NPAS3: variants seen among roughly 807,000 people sequenced by gnomAD.
NPAS3 encodes the protein neuronal PAS domain-containing protein 3.
Under a neutral mutation model 73.1 loss-of-function variants are expected in NPAS3, and 14 were observed. The ratio of observed to expected loss-of-function variants is 0.19; its 90% CI spans 0.13 to 0.30. NPAS3 has a LOEUF of 0.30. Ranked by LOEUF, NPAS3 falls within the 10% of genes least tolerant of loss-of-function variation. The pLI is 1.00. For missense variants in NPAS3, 1,096 were observed against 1,250.0 expected (o/e 0.88, Z 1.86); for synonymous variants, 620 against 541.5 (o/e 1.14, Z -2.01).
intron 1 of NPAS3, among the ~76,000 whole-genome samples, chr14:32,994,634 TTG>T (rs1237313528): frequency 2.4e-5 from 3 of 126,584 alleles, no homozygotes; most frequent in African/African-American, 1.1e-4. Context: ...TTGTTTGTTT[TTG>T]TTTTTTTTTT....
chr14:33,705,533 T>C (rs937975159), intron 6 of NPAS3, among the ~76,000 whole-genome samples: 1 of 152,248 alleles, frequency 6.6e-6, no homozygotes, highest in African/African-American at 2.4e-5. Flanking sequence ...AGACTTTCTT[T>C]TGTTGCAAAA....
intron 2 of NPAS3, among the ~76,000 whole-genome samples, chr14:33,181,950 TTTTCTCCTTG>T (rs1414787115): frequency 2.0e-5 from 3 of 152,320 alleles, no homozygotes; most frequent in Non-Finnish European, 4.4e-5. Flanking sequence ...TGCTTTTCAC[TTTTCTCCTTG>T]TTTCTCCGTG....
At chr14:33,791,993 T>G (rs996230794) in intron 9 of NPAS3, among the ~76,000 whole-genome samples, 1 of 152,176 alleles carries the variant, frequency 6.6e-6, no homozygotes, top group Non-Finnish European at 1.5e-5. Flanking sequence ...GTGAAAATAG[T>G]GGACAGAATT....
chr14:33,541,078 T>C (rs561897327), intron 4 of NPAS3, among the ~76,000 whole-genome samples: 1 of 146,330 alleles, frequency 6.8e-6, no homozygotes, highest in South Asian at 2.3e-4. Context: ...AAAGAACTAT[T>C]GTTGGGGTAT....
chr14:33,615,331 A>G (rs1015773890), intron 5 of NPAS3, among the ~76,000 whole-genome samples: 7 of 152,138 alleles, frequency 4.6e-5, no homozygotes, highest in Non-Finnish European at 1.0e-4. Context: ...CAGAGGATGG[A>G]TTATAGAAGT....
At chr14:33,104,189 C>G (rs1043568770) in intron 2 of NPAS3, among the ~76,000 whole-genome samples, 1 of 152,158 alleles carries the variant, frequency 6.6e-6, no homozygotes, top group African/African-American at 2.4e-5. Context: ...GGACCTTGTT[C>G]TAACACCTTC....
chr14:33,058,251 A>T (rs1207083949), intron 2 of NPAS3, among the ~76,000 whole-genome samples: 1 of 152,240 alleles, frequency 6.6e-6, no homozygotes, highest in African/African-American at 2.4e-5. Flanking sequence ...TGCAGTGAGT[A>T]AAGGGCTACA....
chr14:33,678,197 T>A (rs1376750990), intron 6 of NPAS3, among the ~76,000 whole-genome samples: 1 of 152,194 alleles, frequency 6.6e-6, no homozygotes, highest in African/African-American at 2.4e-5. Flanking sequence ...CTCTGCTAGA[T>A]TCTGCCCTGA....
chr14:33,652,663 C>T (rs11627837), intron 5 of NPAS3, among the ~76,000 whole-genome samples: 75,747 of 151,600 alleles, frequency 0.5, 18,947 homozygotes, highest in Non-Finnish European at 0.52. Context: ...GATTCAGGCG[C>T]CATGCCTTGG....
downstream of NPAS3, chr14:33,801,679 C>T (rs963778379): frequency 1.3e-5 from 2 of 151,668 alleles, no homozygotes; most frequent in African/African-American, 4.9e-5. Flanking sequence ...CTTACTTGCA[C>T]ATAAAAATAA....
chr14:33,118,960 A>G (rs4982052), intron 2 of NPAS3, among the ~76,000 whole-genome samples: 45,167 of 151,632 alleles, frequency 0.3, 8,033 homozygotes, highest in Admixed American at 0.52. Context: ...GTTTGTGCCT[A>G]AAGTTTAACC....
intron 3 of NPAS3, among the ~76,000 whole-genome samples, chr14:33,252,033 G>A (rs978324036): frequency 2.8e-5 from 4 of 140,790 alleles, no homozygotes; most frequent in South Asian, 2.4e-4. Context: ...AGAACCTTTC[G>A]TGGGTGTTTG....
chr14:33,692,156 G>T (rs2060253121), intron 6 of NPAS3, among the ~76,000 whole-genome samples: 1 of 152,128 alleles, frequency 6.6e-6, no homozygotes. Context: ...GTGAGCGCAG[G>T]CAATGCCCCA....
chr14:33,542,791 GAGGTGCTGGCCTTCTGC>G (rs2054582595), intron 4 of NPAS3, among the ~76,000 whole-genome samples: 1 of 152,290 alleles, frequency 6.6e-6, no homozygotes, highest in African/African-American at 2.4e-5. Flanking sequence ...TGATGGGAGG[GAGGTGCTGGCCTTCTGC>G]AGGGCCACAG....
intron 4 of NPAS3, among the ~76,000 whole-genome samples, chr14:33,438,845 C>T (rs2049106601): frequency 6.6e-6 from 1 of 152,160 alleles, no homozygotes; most frequent in African/African-American, 2.4e-5. Flanking sequence ...AAGGCATGGG[C>T]ACACCTAAAA....
chr14:33,550,514 C>T lies in NPAS3; in HGVS notation c.469-9607C>T, dbSNP rs199886656. Among the ~76,000 whole-genome samples the T allele has an allele frequency of 9.8e-5, 15 of 152,330 alleles. No individual in the cohort carries two copies. The East Asian group carries it at 2.7e-3, about 27-fold the overall frequency. On this transcript the variant is annotated intron_variant, in intron 4 of 11. Coordinates refer to ENST00000356141, the Ensembl canonical transcript of NPAS3. ...TTTTACTTCTCATGTGTTACATAGT[C>T]TGGCACATGGGGATAAAAGCAGAAG... is the stretch of plus-strand genomic sequence containing the variant.
At chr14:33,631,445 A>G (rs2058374422) in intron 5 of NPAS3, among the ~76,000 whole-genome samples, 1 of 152,192 alleles carries the variant, frequency 6.6e-6, no homozygotes, top group African/African-American at 2.4e-5. Context: ...TCAAAACCCC[A>G]TAGGTCTCCA....
intron 1 of NPAS3, among the ~76,000 whole-genome samples, chr14:33,038,603 T>C (rs924942376): frequency 1.3e-5 from 2 of 152,172 alleles, no homozygotes; most frequent in Non-Finnish European, 2.9e-5. Context: ...ATGTCATTAT[T>C]ATTAAAAAGC....
At chr14:32,957,547 T>A (rs2036727381) in intron 1 of NPAS3, among the ~76,000 whole-genome samples, 1 of 152,012 alleles carries the variant, frequency 6.6e-6, no homozygotes, top group African/African-American at 2.4e-5. Context: ...AATTTTTTTG[T>A]ATTTTTAGTA....
Sources: gnomAD v4.1 joint callset for allele counts (sites outside exome capture counted in the v4.1 genomes callset) on GRCh38, gnomAD v4.1.1 for gene constraint, MANE v1.5 for transcripts, NCBI Gene and HGNC (gene_info 2026-07-23, HGNC 2026-07-21) for gene names.